The following TDRD7 variants were observed in gnomAD, a reference collection of about 807,000 sequenced individuals.
TDRD7 encodes tudor domain containing 7, also known as tudor domain-containing protein 7.
In TDRD7, 47 loss-of-function variants were observed where a neutral mutation model predicts 109.8. That is an observed-to-expected ratio of 0.43 (90% confidence interval 0.34 to 0.55). The LOEUF (loss-of-function observed/expected upper bound fraction) is 0.55. TDRD7 is among the 20% of genes least tolerant of loss of function. TDRD7 has a pLI of 0.03. For missense variants in TDRD7, 1,164 were observed against 1,319.2 expected (o/e 0.88, Z 1.82); for synonymous variants, 424 against 457.3 (o/e 0.93, Z 0.93).
chr9:97,452,617 A>G (rs1828519311), intron 6 of TDRD7, among the ~76,000 whole-genome samples: 1 of 152,214 alleles, frequency 6.6e-6, no homozygotes, highest in Admixed American at 6.5e-5. Context: ...TCAGATGATT[A>G]TTTGGCTATG....
intron 9 of TDRD7, among the ~76,000 whole-genome samples, chr9:97,471,206 A>G (rs1463428891): frequency 6.6e-6 from 1 of 152,226 alleles, no homozygotes; most frequent in Non-Finnish European, 1.5e-5. Flanking sequence ...CCATGTAGGG[A>G]TAAACTTAAA....
chr9:97,457,409 C>G (rs980139692), intron 6 of TDRD7, among the ~76,000 whole-genome samples: 4 of 151,922 alleles, frequency 2.6e-5, no homozygotes, highest in East Asian at 1.9e-4. Context: ...GACAGAGTCT[C>G]AAACTGTCAC....
chr9:97,463,700 G>T (rs1353855075), intron 7 of TDRD7, among the ~76,000 whole-genome samples: 1 of 152,178 alleles, frequency 6.6e-6, no homozygotes, highest in African/African-American at 2.4e-5. Flanking sequence ...CCTAGAAGGA[G>T]ACCCTGGACG....
intron 4 of TDRD7, among the ~76,000 whole-genome samples, chr9:97,434,368 G>A (rs992752980): frequency 2.0e-5 from 3 of 152,146 alleles, no homozygotes; most frequent in African/African-American, 7.2e-5. Context: ...GGTTAGGATG[G>A]GGGTTGTGGA....
intron 16 of TDRD7, among the ~76,000 whole-genome samples, chr9:97,488,791 C>T (rs965764886): frequency 1.3e-5 from 2 of 152,258 alleles, no homozygotes; most frequent in South Asian, 2.1e-4. Flanking sequence ...TATATGCATT[C>T]GGTGCTACAA....
chr9:97,484,868 G>A (rs887008225), intron 15 of TDRD7, among the ~76,000 whole-genome samples: 1 of 152,136 alleles, frequency 6.6e-6, no homozygotes, highest in Non-Finnish European at 1.5e-5. Context: ...ATCCTCCTTG[G>A]AGTAAAGGGG....
chr9:97,448,954 G>A (rs1828444454), intron 6 of TDRD7, among the ~76,000 whole-genome samples: 1 of 152,160 alleles, frequency 6.6e-6, no homozygotes, highest in Non-Finnish European at 1.5e-5. Flanking sequence ...GAATTAGCAG[G>A]TAAGCCTTCA....
intron 9 of TDRD7, among the ~76,000 whole-genome samples, chr9:97,470,986 A>G (rs935971411): frequency 6.6e-6 from 1 of 152,128 alleles, no homozygotes; most frequent in South Asian, 2.1e-4. Flanking sequence ...ATGAGTTTCA[A>G]TATGTTGTTC....
Position 97,494,712 on chromosome 9 carries a change from ATTTT to A in TDRD7, c.3077-941_3077-938del, listed in dbSNP as rs796852536. 4.5e-3 allele frequency among the ~76,000 whole-genome samples: 334 copies of A among 73,506 alleles called. 1 individual carries two copies. Among genetic ancestry groups the A allele is most frequent in the African/African-American group, 0.015 (318 of 20,904 alleles). The allele number at this position is 73,506 out of a possible 152,430, so 48.2% of individuals were successfully genotyped here. The stretch of plus-strand genomic sequence containing the variant: ...TATATATGTATATATATATATATAT[ATTTT>A]TTTTTTTTTCGAGAGGGTCTCACTT... On this transcript the variant is annotated intron_variant, in intron 16 of 16. Coordinates refer to ENST00000355295, the MANE Select transcript of TDRD7 (RefSeq NM_014290.3).
At chr9:97,473,375 C>T in intron 10 of TDRD7, 117 bp from the exon 11 acceptor site, 1 of 1,395,746 alleles carries the variant, frequency 7.2e-7, no homozygotes, top group East Asian at 2.3e-5. Context: ...TATACTCTAA[C>T]TTAAAGATTT....
chr9:97,477,726 G>A (rs1829046591), intron 12 of TDRD7, among the ~76,000 whole-genome samples: 1 of 151,940 alleles, frequency 6.6e-6, no homozygotes, highest in African/African-American at 2.4e-5. Flanking sequence ...ACAAATAATT[G>A]CAAAGGTAAT....
rs150050234 is a variant in TDRD7 at position 97,425,043 on chromosome 9, A to C, written c.-6-3417A>C. ...CACTACAGCGCCTCATGTGTAGTGT[A>C]AGAACCTTCCATTGGTTCTATTCTT... On this transcript the variant is annotated intron_variant, in intron 1 of 16. Transcript: ENST00000355295. Among the ~76,000 whole-genome samples the C allele has an allele frequency of 4.2e-3, 636 of 152,214 alleles. 4 individuals are homozygous for C. The highest frequency in any genetic ancestry group is 0.015 in the African/African-American group (604 of 41,534).
At chr9:97,463,380 G>GTTTTTTT (rs1179946909) in intron 7 of TDRD7, among the ~76,000 whole-genome samples, 9 of 125,688 alleles carry the variant, frequency 7.2e-5, no homozygotes, top group East Asian at 2.3e-4. Context: ...TCTGAGTTTT[G>GTTTTTTT]TTTTTTTTTT....
chr9:97,432,097 C>G lies in TDRD7; in HGVS notation c.422C>G (p.Ala141Gly), dbSNP rs1244271676. Residue 141 changes from alanine (A) to glycine (G), a missense_variant, in exon 4 of 17, where the codon GCA becomes GGA. This residue lies in a region of TDRD7 where 407 missense variants were observed against 394.0 expected (regional missense o/e 1.03). Transcript: ENST00000355295. ...TCTGTTGGCAAAAAACCTAATCCAG[C>G]ACCGTTAAGAGACAAAGGAAACTCT... Reference protein sequence around the residue: ...NFSVGKKPNPAPLRDKGNSVG... With the variant: ...NFSVGKKPNPGPLRDKGNSVG... 5 of 1,613,870 alleles carry G rather than the reference C, an allele frequency of 3.1e-6. No individual in the cohort carries two copies. The highest frequency in any genetic ancestry group is 4.2e-6 in the Non-Finnish European group (5 of 1,179,812).
At chr9:97,479,142 AT>A (rs1243599755) in intron 13 of TDRD7, among the ~76,000 whole-genome samples, 1 of 152,232 alleles carries the variant, frequency 6.6e-6, no homozygotes, top group African/African-American at 2.4e-5. Flanking sequence ...CTTTTAAAAA[AT>A]AAAACAATGC....
chr9:97,431,873 G>T, intron 3 of TDRD7, 152 bp from the exon 4 acceptor site: 1 of 754,586 alleles, frequency 1.3e-6, no homozygotes, highest in Admixed American at 1.9e-5. Context: ...TTCTTTCCCT[G>T]TTGACCAGCC....
chr9:97,441,169 A>T (rs1179302895), intron 5 of TDRD7, among the ~76,000 whole-genome samples: 1 of 152,196 alleles, frequency 6.6e-6, no homozygotes, highest in Non-Finnish European at 1.5e-5. Context: ...AATTGATCAT[A>T]ATATTCAAAC....
intron 4 of TDRD7, among the ~76,000 whole-genome samples, chr9:97,438,010 A>G (rs942503781): frequency 4.6e-5 from 7 of 152,022 alleles, no homozygotes; most frequent in East Asian, 1.9e-4. Context: ...AGTCCCTTCC[A>G]TAGTTTCTGT....
chr9:97,487,359 GCTACAACAATGCA>G, intron 16 of TDRD7, 27 bp downstream of exon 16: 1 of 1,613,742 alleles, frequency 6.2e-7, no homozygotes, highest in South Asian at 1.1e-5. Flanking sequence ...CTGAACTCAT[GCTACAACAATGCA>G]ATATTGTCAT....
Sources: gnomAD v4.1 joint callset for allele counts (sites outside exome capture counted in the v4.1 genomes callset) on GRCh38, gnomAD v4.1.1 for gene constraint, gnomAD v4.1.1 regional missense constraint, MANE v1.5 for transcripts, NCBI Gene and HGNC (gene_info 2026-07-23, HGNC 2026-07-21) for gene names.